DNAH6: variants seen among roughly 807,000 people sequenced by gnomAD.
DNAH6 encodes the protein axonemal beta dynein heavy chain 6.
Under a neutral mutation model 491.4 loss-of-function variants are expected in DNAH6, and 340 were observed. The observed-to-expected ratio is 0.69, with a 90% CI of 0.63 to 0.76. The LOEUF (loss-of-function observed/expected upper bound fraction) is 0.76, where lower values mean the gene tolerates loss of function less well. Ranked by LOEUF, DNAH6 falls within the 30% of genes least tolerant of loss-of-function variation. The probability of loss-of-function intolerance (pLI) is 0.00; values close to 1 mark genes in which losing one functional copy is unlikely to be tolerated. For synonymous variants in DNAH6, 1,603 were observed against 1,686.1 expected, an observed-to-expected ratio of 0.95 and a Z score of 1.21; for missense variants, 4,443 against 4,972.2, an observed-to-expected ratio of 0.89 and a Z score of 3.20.
At chr2:84,625,438 T>A (rs541122027) in intron 29 of DNAH6, among the ~76,000 whole-genome samples, 102 of 152,278 alleles carry the variant, frequency 6.7e-4, no homozygotes, top group Non-Finnish European at 8.5e-4. Flanking sequence ...ACATGAAATA[T>A]GTGGGAGGTG....
intron 11 of DNAH6, among the ~76,000 whole-genome samples, chr2:84,559,068 T>C (rs1033180344): frequency 1.9e-4 from 29 of 152,142 alleles, no homozygotes; most frequent in African/African-American, 6.8e-4. Context: ...TGTCATGGTA[T>C]GATTTTAAAA....
chr2:84,819,090 A>T (rs1460539677), intron 76 of DNAH6, among the ~76,000 whole-genome samples: 1 of 151,206 alleles, frequency 6.6e-6, no homozygotes, highest in Non-Finnish European at 1.5e-5. Flanking sequence ...AAAAAATTCT[A>T]TGAAGTCTAA....
intron 2 of DNAH6, among the ~76,000 whole-genome samples, chr2:84,519,702 C>G (rs1255041041): frequency 2.7e-5 from 4 of 150,702 alleles, no homozygotes; most frequent in Non-Finnish European, 4.4e-5. Context: ...CTCCTACTCT[C>G]TTTCTTTTCT....
chr2:84,763,288 G>A lies in DNAH6; in HGVS notation c.10703+343G>A, dbSNP rs1458426592. Among the ~76,000 whole-genome samples, 3 of 152,056 alleles carry A rather than the reference G, an allele frequency of 2.0e-5. No homozygotes were observed. The East Asian group carries it at 5.8e-4, about 29-fold the overall frequency. On this transcript the variant is annotated intron_variant, in intron 64 of 76. Coordinates refer to ENST00000389394, the MANE Select transcript of DNAH6 (RefSeq NM_001370.2). ...CTCTATAATCAAATGTACAAAAAAAGAGCTCTTCATGTTCTATTATTAATC... is the reference window on the plus strand; with the variant it reads ...CTCTATAATCAAATGTACAAAAAAAAAGCTCTTCATGTTCTATTATTAATC...
In DNAH6 at chr2:84,684,385, C is replaced by T. The variant is rs55633880; in HGVS notation, c.6917-941C>T. On this transcript the variant is annotated intron_variant, in intron 42 of 76. Transcript: ENST00000389394. ...AGGATCCACTTTATTTCTGAAATGA[C>T]GCATCATAAAATACACAGGAAATTC... Among the ~76,000 whole-genome samples, 1,456 of 152,164 alleles carry T rather than the reference C, an allele frequency of 9.6e-3. 19 individuals are homozygous for T. The highest frequency in any genetic ancestry group is 0.034 in the African/African-American group (1,398 of 41,504).
intron 62 of DNAH6, among the ~76,000 whole-genome samples, chr2:84,735,110 C>A (rs1699429167): frequency 6.6e-6 from 1 of 152,102 alleles, no homozygotes; most frequent in South Asian, 2.1e-4. Context: ...TCTGTGTGTA[C>A]CCAATGTTTA....
At chr2:84,632,869 C>T (rs1688531143) in intron 29 of DNAH6, among the ~76,000 whole-genome samples, 1 of 152,122 alleles carries the variant, frequency 6.6e-6, no homozygotes, top group Admixed American at 6.5e-5. Flanking sequence ...ACTTTCTGTT[C>T]CCTAAATTAT....
chr2:84,709,278 T>C, intron 54 of DNAH6, 65 bp from the exon 55 acceptor site: 1 of 1,496,718 alleles, frequency 6.7e-7, no homozygotes. Flanking sequence ...CCACCACATT[T>C]TGCATGTGCC....
Position 84,740,389 on chromosome 2 carries a change from G to A in DNAH6, c.10343-4691G>A, listed in dbSNP as rs79639023. ...AGCTGCTGGAGAAGCTTGAGACACA[G>A]ACTCTTTCAACCCGCATTCCCCAGA... On this transcript the variant is annotated intron_variant, in intron 62 of 76. Coordinates refer to ENST00000389394, the MANE Select transcript of DNAH6 (RefSeq NM_001370.2). Among the ~76,000 whole-genome samples the A allele has an allele frequency of 9.3e-3, 1,418 of 152,274 alleles. 12 individuals are homozygous for A. Among genetic ancestry groups the A allele is most frequent in the Middle Eastern group, 0.02 (6 of 294 alleles).
At chr2:84,693,895 T>C (rs1262801190) in intron 45 of DNAH6, among the ~76,000 whole-genome samples, 1 of 152,200 alleles carries the variant, frequency 6.6e-6, no homozygotes, top group Non-Finnish European at 1.5e-5. Flanking sequence ...CTCATTCTTA[T>C]AAATGGAAAC....
chr2:84,500,164 A>G, the DNAH6 span, among the ~76,000 whole-genome samples: 1 of 152,154 alleles, frequency 6.6e-6, no homozygotes, highest in African/African-American at 2.4e-5. Context: ...CATAGTCTGA[A>G]GTCTTAGATG....
chr2:84,778,177 T>C (rs1676333247), intron 64 of DNAH6: 1 of 722,380 alleles, frequency 1.4e-6, no homozygotes, highest in South Asian at 1.5e-5. Context: ...GGAGGTCTCT[T>C]CTTCCTGTAG....
intron 60 of DNAH6, among the ~76,000 whole-genome samples, chr2:84,724,499 T>C (rs1404968793): frequency 3.3e-5 from 5 of 152,240 alleles, no homozygotes; most frequent in Non-Finnish European, 5.9e-5. Context: ...TTGATCCACT[T>C]ACATTCCCAA....
At position 84,781,596 on chromosome 2, in the gene DNAH6, C is replaced by G; in HGVS notation, c.10807C>G (p.Leu3603Val). The change falls in exon 65 of 77, where the codon CTT (leucine) becomes GTT (valine). Residue 3603 changes from leucine to valine, a missense_variant. By Grantham distance (32) the Leu-to-Val change is conservative (BLOSUM62 1). Around this residue, in one of 3 missense-constraint regions of DNAH6, gnomAD observed 1,463 missense variants for 1,656.6 expected, o/e 0.88. Transcript: ENST00000389394. ...GNWVFLQNCH[L>V]AVSWMLAMEE... Reference sequence around the variant, plus strand: ...CTGGGTATTTTTGCAAAATTGCCATCTTGCTGTTTCTTGGATGTTGGCAAT... The same window carrying G: ...CTGGGTATTTTTGCAAAATTGCCATGTTGCTGTTTCTTGGATGTTGGCAAT... 1 of 1,551,866 alleles carries G rather than the reference C, an allele frequency of 6.4e-7. No homozygotes were observed. Among genetic ancestry groups the G allele is most frequent in the Non-Finnish European group, 8.7e-7 (1 of 1,146,968 alleles).
At position 84,611,835 on chromosome 2, in the gene DNAH6, T is replaced by C. The variant is rs754799372; in HGVS notation, c.3456T>C (p.Leu1152=). The change falls in exon 22 of 77, where the codon CTT becomes CTC. Residue 1152 remains leucine, a synonymous_variant. Transcript: ENST00000389394. ...AGGTGAATCGGCTGCCTAATGCTCTTCGAGCCGCTACTCAGCCAGGTATGA... is the reference window on the plus strand; with the variant it reads ...AGGTGAATCGGCTGCCTAATGCTCTCCGAGCCGCTACTCAGCCAGGTATGA... ...MRKVNRLPNA[L]RAATQPGLLE... is the part of the protein sequence containing the mutation. 2.6e-6 allele frequency: 4 copies of C among 1,550,538 alleles called. No homozygotes were observed. Among genetic ancestry groups the C allele is most frequent in the Non-Finnish European group, 3.5e-6 (4 of 1,146,442 alleles).
In DNAH6 at chr2:84,619,803, C is replaced by T; in HGVS notation, c.3691C>T (p.Leu1231Phe). The change falls in exon 24 of 77, where the codon CTC (leucine) becomes TTC (phenylalanine). Residue 1231 changes from leucine to phenylalanine, a missense_variant. Coordinates refer to ENST00000389394, the MANE Select transcript of DNAH6 (RefSeq NM_001370.2). The stretch of plus-strand genomic sequence containing the variant: ...CTCCATTTCAAAGCTCGAATTTGCT[C>T]TCATGCCTCCTGCCGAAGGAAAGAT... ...FDSISKLEFA[L>F]MPPAEGKIPG... 1 of 1,551,560 alleles carries T rather than the reference C, an allele frequency of 6.4e-7. No individual in the cohort carries two copies. Among genetic ancestry groups the T allele is most frequent in the Non-Finnish European group, 8.7e-7 (1 of 1,146,866 alleles).
At chr2:84,717,749 C>T (rs1697683778) in intron 58 of DNAH6, among the ~76,000 whole-genome samples, 1 of 152,136 alleles carries the variant, frequency 6.6e-6, no homozygotes, top group Non-Finnish European at 1.5e-5. Context: ...GGAGGTAAGG[C>T]TCCTTTCTCA....
chr2:84,460,492 A>G, the DNAH6 span, among the ~76,000 whole-genome samples: 1 of 152,226 alleles, frequency 6.6e-6, no homozygotes, highest in Non-Finnish European at 1.5e-5. Flanking sequence ...TTATATGTTT[A>G]GTTTCATTTA....
intron 12 of DNAH6, among the ~76,000 whole-genome samples, chr2:84,575,088 T>G (rs1027148333): frequency 1.3e-5 from 2 of 152,100 alleles, no homozygotes; most frequent in Non-Finnish European, 2.9e-5. Flanking sequence ...TCCTCCTCTG[T>G]TTGGAACCCC....
Sources: allele counts gnomAD v4.1 joint callset (sites outside exome capture counted in the v4.1 genomes callset), GRCh38; gene constraint gnomAD v4.1.1; regional missense constraint gnomAD v4.1.1; transcripts MANE v1.5; gene names NCBI Gene and HGNC (gene_info 2026-07-23, HGNC 2026-07-21).